Variants in PNPLA7 observed in about 807,000 individuals in gnomAD.
PNPLA7 encodes patatin like domain 7, lysophospholipase, also known as patatin-like phospholipase domain-containing protein 7.
Under a neutral mutation model 161.7 loss-of-function variants are expected in PNPLA7, and 153 were observed. That is an observed-to-expected ratio of 0.95 (90% CI 0.83 to 1.08). The LOEUF (loss-of-function observed/expected upper bound fraction) is 1.08, where lower values mean the gene tolerates loss of function less well. Among genes scored for constraint, PNPLA7 ranks in the 50% least tolerant of loss-of-function variants. PNPLA7 has a pLI of 0.00. For missense variants in PNPLA7, 1,739 were observed against 1,856.6 expected, an observed-to-expected ratio of 0.94 and a Z score of 1.16; for synonymous variants, 809 against 782.1, an observed-to-expected ratio of 1.03 and a Z score of -0.57.
At chr9:137,501,801 G>A in intron 14 of PNPLA7, 74 bp from the exon 15 acceptor site, 3 of 1,451,760 alleles carry the variant, frequency 2.1e-6, no homozygotes, top group African/African-American at 1.4e-5. Context: ...AGGCTGCACT[G>A]GGCTGTTCAG....
chr9:137,469,248 C>T (rs1831609573), intron 25 of PNPLA7, among the ~76,000 whole-genome samples: 1 of 152,160 alleles, frequency 6.6e-6, no homozygotes, highest in South Asian at 2.1e-4. Context: ...GTCACTGAAT[C>T]ATGAAGCATC....
intron 32 of PNPLA7, 43 bp downstream of exon 32, chr9:137,461,888 C>A: frequency 6.9e-7 from 1 of 1,454,310 alleles, no homozygotes; most frequent in Non-Finnish European, 9.2e-7. Context: ...AAGAACTGGG[C>A]GCGGTCCGGG....
Position 137,493,005 on chromosome 9 carries a change from T to A in PNPLA7, c.2197+8A>T. 1 of 1,612,572 alleles carries A rather than the reference T, an allele frequency of 6.2e-7. No individual in the cohort carries two copies. Among genetic ancestry groups the A allele is most frequent in the Non-Finnish European group, 8.5e-7 (1 of 1,179,778 alleles). Reference sequence around the variant, plus strand: ...CCAGGAGGCTCTGGGTTGGGAGAGGTGACCCACCTGTCACAGGTCCCTGCT... The same window carrying A: ...CCAGGAGGCTCTGGGTTGGGAGAGGAGACCCACCTGTCACAGGTCCCTGCT... On this transcript the variant is annotated splice_region_variant and intron_variant, in intron 20 of 34. Coordinates refer to ENST00000406427, the MANE Select transcript of PNPLA7 (RefSeq NM_001098537.3).
Position 137,543,483 on chromosome 9 carries a change from A to C in PNPLA7, c.455T>G (p.Val152Gly), listed in dbSNP as rs752207998. 6.2e-7 allele frequency: 1 copy of C among 1,614,082 alleles called. No homozygotes were observed. The highest frequency in any genetic ancestry group is 2.2e-5 in the East Asian group (1 of 44,872). ...LLEADLTEFD[V>G]KNSHLPSEVL... ...TTCCGATGGCAGGTGAGAATTCTTC[A>C]CGTCAAACTCCGTGAGGTCGGCCTC... The change falls in exon 6 of 35, where the codon GTG (valine) becomes GGG (glycine). Residue 152 changes from valine (V) to glycine (G), a missense_variant. Physicochemically the swap from Val to Gly is moderately radical, Grantham distance 109. Coordinates refer to ENST00000406427, the MANE Select transcript of PNPLA7 (RefSeq NM_001098537.3). The surrounding 1 kb of genome is among the most constrained non-coding windows in gnomAD (Gnocchi z 6.9).
chr9:137,523,772 G>A lies in PNPLA7; in HGVS notation c.748-915C>T, dbSNP rs976927954. The stretch of plus-strand genomic sequence containing the variant: ...CTCCACAGTAGCTGGGGCTACAAGC[G>A]CCCGCCACCACGCCCGGCTAATTTG... On this transcript the variant is annotated intron_variant, in intron 8 of 34. Coordinates refer to ENST00000406427, the MANE Select transcript of PNPLA7 (RefSeq NM_001098537.3). This position sits in a 1 kb window ranked among gnomAD's most constrained non-coding sequence, Gnocchi z 4.4. Among the ~76,000 whole-genome samples the A allele has an allele frequency of 2.0e-5, 3 of 152,030 alleles. No homozygotes were observed. Among genetic ancestry groups the A allele is most frequent in the Admixed American group, 1.3e-4 (2 of 15,260 alleles).
chr9:137,490,697 A>G lies in PNPLA7; in HGVS notation c.2197+2316T>C, dbSNP rs138455918. On this transcript the variant is annotated intron_variant, in intron 20 of 34. Transcript: ENST00000406427. The surrounding 1 kb of genome is among the most constrained non-coding windows in gnomAD (Gnocchi z 4.1). ...ACAATTCTTCAACAGCAAGGAGACGAGCCCAGAAGGAAACCTGAGATGCCG... is the reference window on the plus strand; with the variant it reads ...ACAATTCTTCAACAGCAAGGAGACGGGCCCAGAAGGAAACCTGAGATGCCG... Among the ~76,000 whole-genome samples, 946 of 152,352 alleles carry G rather than the reference A, an allele frequency of 6.2e-3. 8 individuals carry two copies. The highest frequency in any genetic ancestry group is 0.022 in the African/African-American group (903 of 41,578).
In PNPLA7 at chr9:137,547,392, G is replaced by C. The variant is rs138538225; in HGVS notation, c.110C>G (p.Thr37Arg). 4 of 1,613,278 alleles carry C rather than the reference G, an allele frequency of 2.5e-6. No individual in the cohort carries two copies. The African/African-American group carries it at 5.3e-5, about 22-fold the overall frequency. The change falls in exon 3 of 35, where the codon ACG becomes AGG. Residue 37 changes from threonine to arginine, a missense_variant. By Grantham distance (71) the Thr-to-Arg change is moderately conservative (BLOSUM62 -1). This residue lies in a region of PNPLA7 where 209 missense variants were observed against 252.8 expected (regional missense o/e 0.83). Coordinates refer to ENST00000406427, the MANE Select transcript of PNPLA7 (RefSeq NM_001098537.3). The surrounding 1 kb of genome is among the most constrained non-coding windows in gnomAD (Gnocchi z 4.6). ...TEEGSPSTML[T>R]GIAVGALLAL... ...CAGGAGGGCTCCAACTGCAATCCCC[G>C]TCAGCTGGCCGAGAGTGGAAACACG...
chr9:137,523,408 A>G lies in PNPLA7; in HGVS notation c.748-551T>C, dbSNP rs1315711344. Among the ~76,000 whole-genome samples, 2 of 152,176 alleles carry G rather than the reference A, an allele frequency of 1.3e-5. No individual in the cohort carries two copies. Among genetic ancestry groups the G allele is most frequent in the African/African-American group, 4.8e-5 (2 of 41,448 alleles). ...GGAGCCACAGTGGCTCACCGCGTGG[A>G]TGTGGCCAGCAGAGCTCCACACGGC... On this transcript the variant is annotated intron_variant, in intron 8 of 34. Transcript: ENST00000406427. The surrounding 1 kb of genome is among the most constrained non-coding windows in gnomAD (Gnocchi z 4.4).
At position 137,543,387 on chromosome 9, in the gene PNPLA7, G is replaced by T. The variant is rs1244796399; in HGVS notation, c.506+45C>A. The T allele has an allele frequency of 1.2e-6, 2 of 1,612,642 alleles. No individual in the cohort carries two copies. Among genetic ancestry groups the T allele is most frequent in the African/African-American group, 2.7e-5 (2 of 74,910 alleles). On this transcript the variant is annotated intron_variant, in intron 6 of 34. Coordinates refer to ENST00000406427, the MANE Select transcript of PNPLA7 (RefSeq NM_001098537.3). This position sits in a 1 kb window ranked among gnomAD's most constrained non-coding sequence, Gnocchi z 6.9. ...GCCAGGCCCCAGCGAGAAGCCCGGG[G>T]CTATGGGAGCTGCCGCAGCCCCCGG...
At position 137,547,224 on chromosome 9, in the gene PNPLA7, C is replaced by A. The variant is rs576327363; in HGVS notation, c.193+85G>T. On this transcript the variant is annotated intron_variant, in intron 3 of 34. Transcript: ENST00000406427. This position sits in a 1 kb window ranked among gnomAD's most constrained non-coding sequence, Gnocchi z 4.6. Reference sequence around the variant, plus strand: ...GCCAAAGCCACCATGCGCTTGAGGGCCCCTCCCAGGGGCTCAAAACACATC... The same window carrying A: ...GCCAAAGCCACCATGCGCTTGAGGGACCCTCCCAGGGGCTCAAAACACATC... 2 of 1,321,716 alleles carry A rather than the reference C, an allele frequency of 1.5e-6. No homozygotes were observed. Among genetic ancestry groups the A allele is most frequent in the Non-Finnish European group, 2.2e-6 (2 of 920,690 alleles). 81.9% of individuals were successfully genotyped at this position (1,321,716 alleles called of 1,614,324 possible).
At position 137,547,467 on chromosome 9, in the gene PNPLA7, C is replaced by G. The variant is rs1293099241; in HGVS notation, c.106-71G>C. ...CTAACCCTAGCCCTAAGCCTGCCCC[C>G]ACCCCTGGCTGCCCAACCACAGGCT... On this transcript the variant is annotated intron_variant, in intron 2 of 34. Coordinates refer to ENST00000406427, the MANE Select transcript of PNPLA7 (RefSeq NM_001098537.3). This position sits in a 1 kb window ranked among gnomAD's most constrained non-coding sequence, Gnocchi z 4.6. The G allele has an allele frequency of 1.3e-6, 2 of 1,597,894 alleles. No individual in the cohort carries two copies. The highest frequency in any genetic ancestry group is 1.1e-5 in the South Asian group (1 of 90,794).
chr9:137,464,301 C>T, intron 27 of PNPLA7, 39 bp downstream of exon 27: 1 of 1,606,092 alleles, frequency 6.2e-7, no homozygotes. Flanking sequence ...AGGGGACAGG[C>T]ACTGGGGGCT....
chr9:137,477,916 A>C, intron 25 of PNPLA7, 118 bp downstream of exon 25: 3 of 840,234 alleles, frequency 3.6e-6, no homozygotes, highest in Non-Finnish European at 4.8e-6. Context: ...AGGCGGCCTG[A>C]GGGTCTCGTC....
At chr9:137,548,041 T>G (rs944599577) in intron 1 of PNPLA7, among the ~76,000 whole-genome samples, 1 of 152,076 alleles carries the variant, frequency 6.6e-6, no homozygotes, top group Non-Finnish European at 1.5e-5. Flanking sequence ...AAAACCCCTA[T>G]GAGCCATCTG....
chr9:137,480,291 A>G (rs1297892415), intron 23 of PNPLA7, 21 bp downstream of exon 23: 2 of 1,607,370 alleles, frequency 1.2e-6, no homozygotes, highest in African/African-American at 1.3e-5. Context: ...CCCCAGCTCC[A>G]CCGGCCCTCC....
chr9:137,515,163 G>A (rs1046366776), intron 12 of PNPLA7, among the ~76,000 whole-genome samples: 3 of 152,030 alleles, frequency 2.0e-5, no homozygotes, highest in Non-Finnish European at 4.4e-5. Context: ...GGGCAGGCAC[G>A]CAGAGGAGCA....
chr9:137,548,283 G>A (rs913505743), intron 1 of PNPLA7, among the ~76,000 whole-genome samples: 1 of 152,194 alleles, frequency 6.6e-6, no homozygotes, highest in African/African-American at 2.4e-5. Flanking sequence ...CAGCCAGACA[G>A]GCAGCCCTCT....
At chr9:137,525,276 T>C (rs866532227) in intron 8 of PNPLA7, among the ~76,000 whole-genome samples, 18 of 152,202 alleles carry the variant, frequency 1.2e-4, no homozygotes, top group Admixed American at 8.5e-4. Flanking sequence ...GTGTGTTTTT[T>C]TCTTCATGTG....
At chr9:137,503,931 A>AGAAG (rs1564325382) in intron 14 of PNPLA7, among the ~76,000 whole-genome samples, 3 of 3,692 alleles carry the variant, frequency 8.1e-4, no homozygotes, top group Non-Finnish European at 1.8e-3. Flanking sequence ...AGAAGAAGGA[A>AGAAG]GAAGAAGAAG....
Sources: allele counts gnomAD v4.1 joint callset (sites outside exome capture counted in the v4.1 genomes callset), GRCh38; gene constraint gnomAD v4.1.1; regional missense constraint gnomAD v4.1.1; non-coding constraint Gnocchi (gnomAD v3.1); transcripts MANE v1.5; gene names NCBI Gene and HGNC (gene_info 2026-07-23, HGNC 2026-07-21).